PTPRD: variants seen among roughly 807,000 people sequenced by gnomAD.
PTPRD encodes protein tyrosine phosphatase receptor type D.
In PTPRD, 34 loss-of-function variants were observed where a neutral mutation model predicts 214.5. That is an observed-to-expected ratio of 0.16 (90% CI 0.12 to 0.21). The LOEUF (loss-of-function observed/expected upper bound fraction) is 0.21. PTPRD is among the 10% of genes least tolerant of loss of function. The pLI, the probability that PTPRD is intolerant of heterozygous loss-of-function variation, is 1.00. For synonymous variants in PTPRD, 1,128 were observed against 845.7 expected (o/e 1.33, Z -5.79); for missense variants, 2,545 against 2,398.7 (o/e 1.06, Z -1.27).
At chr9:10,603,910 A>G (rs1273273810) in intron 2 of PTPRD, among the ~76,000 whole-genome samples, 3 of 151,958 alleles carry the variant, frequency 2.0e-5, no homozygotes, top group Admixed American at 6.6e-5. Flanking sequence ...GCTGCAGATT[A>G]TTATATGGAT....
intron 11 of PTPRD, among the ~76,000 whole-genome samples, chr9:8,850,408 A>G (rs1336620298): frequency 2.0e-5 from 3 of 152,212 alleles, no homozygotes; most frequent in Admixed American, 2.0e-4. Context: ...CATCAAATGG[A>G]GACAGAGTTC....
intron 11 of PTPRD, among the ~76,000 whole-genome samples, chr9:8,817,520 C>G (rs998387000): frequency 6.6e-6 from 1 of 151,900 alleles, no homozygotes; most frequent in Non-Finnish European, 1.5e-5. Flanking sequence ...CCAGCCAGCT[C>G]CTTGGGAGGC....
intron 5 of PTPRD, among the ~76,000 whole-genome samples, chr9:9,777,256 C>A (rs904505679): frequency 6.6e-6 from 1 of 151,856 alleles, no homozygotes; most frequent in Admixed American, 6.6e-5. Context: ...GGAGAAAAAT[C>A]TTTCATAAAT....
intron 8 of PTPRD, among the ~76,000 whole-genome samples, chr9:9,430,851 T>G (rs1448847860): frequency 6.6e-6 from 1 of 152,328 alleles, no homozygotes; most frequent in South Asian, 2.1e-4. Flanking sequence ...GCTAGCCATA[T>G]GCAGAAAGCT....
intron 11 of PTPRD, among the ~76,000 whole-genome samples, chr9:8,985,916 T>C (rs1275960756): frequency 6.6e-6 from 1 of 152,112 alleles, no homozygotes; most frequent in Non-Finnish European, 1.5e-5. Context: ...CTTTTCTTCT[T>C]TTCCATTAGC....
intron 9 of PTPRD, among the ~76,000 whole-genome samples, chr9:9,258,893 T>A (rs994766720): frequency 6.6e-6 from 1 of 151,932 alleles, no homozygotes; most frequent in African/African-American, 2.4e-5. Flanking sequence ...TAAACGGATA[T>A]CTAATTTTTT....
At chr9:8,328,858 C>G (rs911598596) in intron 44 of PTPRD, among the ~76,000 whole-genome samples, 1 of 151,998 alleles carries the variant, frequency 6.6e-6, no homozygotes, top group Non-Finnish European at 1.5e-5. Context: ...AGATCTTGTG[C>G]TGTGTTTTTC....
chr9:9,738,656 G>T (rs2098344263), intron 6 of PTPRD, among the ~76,000 whole-genome samples: 1 of 151,696 alleles, frequency 6.6e-6, no homozygotes, highest in Non-Finnish European at 1.5e-5. Flanking sequence ...TGGCCAGGCT[G>T]GTCTCGAACT....
At chr9:10,324,130 T>C (rs1238447649) in intron 3 of PTPRD, among the ~76,000 whole-genome samples, 3 of 152,032 alleles carry the variant, frequency 2.0e-5, no homozygotes, top group African/African-American at 7.2e-5. Context: ...CCTGTAATTA[T>C]AAAGTATGAG....
chr9:9,627,627 G>T (rs1474303579), intron 7 of PTPRD, among the ~76,000 whole-genome samples: 1 of 152,168 alleles, frequency 6.6e-6, no homozygotes. Flanking sequence ...TTGCACAATT[G>T]TTGAATAGCT....
intron 11 of PTPRD, among the ~76,000 whole-genome samples, chr9:8,770,530 T>G (rs1461947223): frequency 1.3e-5 from 2 of 152,180 alleles, no homozygotes; most frequent in Non-Finnish European, 2.9e-5. Context: ...TTAATTATTA[T>G]TAGACAATGG....
intron 3 of PTPRD, among the ~76,000 whole-genome samples, chr9:10,058,155 C>G (rs536754052): frequency 6.6e-6 from 1 of 152,124 alleles, no homozygotes; most frequent in South Asian, 2.1e-4. Context: ...TTTCCATTAC[C>G]TTCGTTCTAG....
chr9:9,745,125 AAT>A (rs2098444481), intron 6 of PTPRD, among the ~76,000 whole-genome samples: 1 of 152,070 alleles, frequency 6.6e-6, no homozygotes, highest in Non-Finnish European at 1.5e-5. Flanking sequence ...TAATTATAAA[AAT>A]AGTTAACCAG....
chr9:8,764,110 T>A (rs946140390), intron 11 of PTPRD, among the ~76,000 whole-genome samples: 1 of 152,190 alleles, frequency 6.6e-6, no homozygotes, highest in Non-Finnish European at 1.5e-5. Flanking sequence ...TTAAGGACAC[T>A]CTCACTCTAA....
intron 3 of PTPRD, among the ~76,000 whole-genome samples, chr9:10,331,628 T>C (rs1394852461): frequency 6.6e-6 from 1 of 151,796 alleles, no homozygotes; most frequent in Non-Finnish European, 1.5e-5. Flanking sequence ...TCCTGTGGGC[T>C]TAGAGGAAAT....
In PTPRD at chr9:9,934,530, A is replaced by G. The variant is rs1366222738; in HGVS notation, c.-368+3977T>C. Among the ~76,000 whole-genome samples the G allele has an allele frequency of 2.0e-5, 3 of 151,226 alleles. No individual in the cohort carries two copies. The East Asian group carries it at 5.9e-4, about 30-fold the overall frequency. On this transcript the variant is annotated intron_variant, in intron 5 of 45. Transcript: ENST00000381196. ...ACTCTCCCAAGACTAAACCAGGAAG[A>G]AGTTGAATCTCTGAATAGACCAATA...
intron 2 of PTPRD, among the ~76,000 whole-genome samples, chr9:10,398,147 G>C (rs2098206203): frequency 6.6e-6 from 1 of 151,504 alleles, no homozygotes; most frequent in African/African-American, 2.4e-5. Context: ...GGAAGGTGGA[G>C]GCCAGAGGAG....
rs536188353 is a variant in PTPRD at position 9,708,683 on chromosome 9, T to G, written c.-287+25850A>C. On this transcript the variant is annotated intron_variant, in intron 7 of 45. Transcript: ENST00000381196. ...AGACATTAAAAAAACTATATTAAAT[T>G]TTAAAAAGAGAGATAAGTCTATACC... 2.9e-3 allele frequency among the ~76,000 whole-genome samples: 435 copies of G among 152,030 alleles called. 3 individuals carry two copies. The highest frequency in any genetic ancestry group is 9.9e-3 in the African/African-American group (413 of 41,512).
chr9:10,371,423 T>G (rs2097615428), intron 2 of PTPRD, among the ~76,000 whole-genome samples: 1 of 152,094 alleles, frequency 6.6e-6, no homozygotes, highest in Non-Finnish European at 1.5e-5. Context: ...ACATCTTACT[T>G]TTCAAATTAA....
Sources: gnomAD v4.1 joint callset for allele counts (sites outside exome capture counted in the v4.1 genomes callset) on GRCh38, gnomAD v4.1.1 for gene constraint, MANE v1.5 for transcripts, NCBI Gene and HGNC (gene_info 2026-07-23, HGNC 2026-07-21) for gene names.